Variants in RGS6 observed in about 807,000 individuals in gnomAD.
RGS6 encodes the protein regulator of G protein signaling 6, also known as regulator of G-protein signaling 6.
RGS6 carries 30 observed loss-of-function variants against 78.5 expected under a neutral mutation model. The ratio of observed to expected loss-of-function variants is 0.38; its 90% CI spans 0.29 to 0.52. The LOEUF is 0.52. RGS6 is among the 20% of genes least tolerant of loss of function. RGS6 has a pLI of 0.85. For missense variants in RGS6, 495 were observed against 609.7 expected (o/e 0.81, Z 1.98); for synonymous variants, 206 against 206.0 (o/e 1.00, Z 0.00).
At chr14:72,370,765 A>G (rs1035514865) in intron 3 of RGS6, among the ~76,000 whole-genome samples, 3 of 152,374 alleles carry the variant, frequency 2.0e-5, no homozygotes, top group South Asian at 2.1e-4. Context: ...AAAATAATGT[A>G]AACTGTTCCC....
At chr14:71,960,487 A>G (rs573837214) in intron 1 of RGS6, among the ~76,000 whole-genome samples, 7 of 152,316 alleles carry the variant, frequency 4.6e-5, no homozygotes, top group African/African-American at 1.4e-4. Flanking sequence ...TATCAGTTCC[A>G]TCATTCATTC....
the RGS6 span, among the ~76,000 whole-genome samples, chr14:71,922,258 T>C: frequency 8.5e-5 from 13 of 152,216 alleles, no homozygotes; most frequent in African/African-American, 3.1e-4. Context: ...TCAACAAGTT[T>C]TATCAGCTAA....
intron 3 of RGS6, among the ~76,000 whole-genome samples, chr14:72,353,659 A>G (rs1034275525): frequency 6.6e-6 from 1 of 152,108 alleles, no homozygotes; most frequent in African/African-American, 2.4e-5. Flanking sequence ...GATTATGGTG[A>G]TGGTAACATG....
At chr14:72,106,281 A>G (rs1032159027) in intron 2 of RGS6, among the ~76,000 whole-genome samples, 5 of 152,246 alleles carry the variant, frequency 3.3e-5, no homozygotes, top group Admixed American at 3.3e-4. Context: ...TAATGCAAAG[A>G]TTCCCAAAAT....
At chr14:72,591,630 T>C in the RGS6 span, among the ~76,000 whole-genome samples, 1 of 152,202 alleles carries the variant, frequency 6.6e-6, no homozygotes, top group African/African-American at 2.4e-5. Flanking sequence ...CTTCAGTCAC[T>C]CAATCACAGC....
At chr14:72,241,602 G>C in intron 2 of RGS6, among the ~76,000 whole-genome samples, 1 of 152,138 alleles carries the variant, frequency 6.6e-6, no homozygotes, top group Non-Finnish European at 1.5e-5. Context: ...GTTATGGTTT[G>C]ATTTTACCCC....
chr14:71,984,298 TAAAAAAAAAAAA>T (rs59180817), intron 2 of RGS6, among the ~76,000 whole-genome samples: 1 of 120,006 alleles, frequency 8.3e-6, no homozygotes, highest in African/African-American at 3.2e-5. Flanking sequence ...TGAATTATGT[TAAAAAAAAAAAA>T]AAAAAAAAAA....
At chr14:72,209,595 C>G (rs1326279856) in intron 2 of RGS6, among the ~76,000 whole-genome samples, 2 of 152,170 alleles carry the variant, frequency 1.3e-5, no homozygotes, top group East Asian at 3.9e-4. Context: ...TGGAAACCCT[C>G]TCACCTCCCC....
At chr14:72,021,933 C>T (rs192416952) in intron 2 of RGS6, among the ~76,000 whole-genome samples, 168 of 149,376 alleles carry the variant, frequency 1.1e-3, no homozygotes, top group Non-Finnish European at 1.4e-3. Context: ...CTTCTGCCAC[C>T]CCCACCCTCA....
chr14:71,948,740 C>CT (rs71305831), intron 1 of RGS6, among the ~76,000 whole-genome samples: 1,202 of 65,204 alleles, frequency 0.018, 42 homozygotes, highest in East Asian at 0.024. Flanking sequence ...CTCTCTCTCT[C>CT]TTTTTTTTTT....
intron 1 of RGS6, among the ~76,000 whole-genome samples, chr14:71,948,740 C>G (rs10138821): frequency 4.6e-5 from 3 of 65,180 alleles, no homozygotes; most frequent in African/African-American, 2.1e-4. Context: ...CTCTCTCTCT[C>G]TTTTTTTTTT....
intron 1 of RGS6, among the ~76,000 whole-genome samples, chr14:71,962,194 G>A (rs2093249916): frequency 6.6e-6 from 1 of 152,168 alleles, no homozygotes. Flanking sequence ...TTCACACAGA[G>A]ACTATCTGCA....
At chr14:72,353,007 C>T (rs2079435145) in intron 3 of RGS6, among the ~76,000 whole-genome samples, 1 of 152,158 alleles carries the variant, frequency 6.6e-6, no homozygotes, top group Non-Finnish European at 1.5e-5. Flanking sequence ...TCACTATATA[C>T]CTTTTAGAAT....
intron 2 of RGS6, among the ~76,000 whole-genome samples, chr14:72,029,909 T>A (rs901116669): frequency 3.9e-5 from 6 of 152,226 alleles, no homozygotes; most frequent in Non-Finnish European, 8.8e-5. Context: ...CATTTCTTCC[T>A]TGAGGTCAGT....
intron 3 of RGS6, among the ~76,000 whole-genome samples, chr14:72,363,806 A>G (rs2152803210): frequency 6.6e-6 from 1 of 152,200 alleles, no homozygotes; most frequent in Non-Finnish European, 1.5e-5. Context: ...AAATCTTGAA[A>G]AGATAGTCCA....
chr14:72,295,152 G>A (rs1304226782), intron 2 of RGS6, among the ~76,000 whole-genome samples: 1 of 150,994 alleles, frequency 6.6e-6, no homozygotes, highest in East Asian at 1.9e-4. Context: ...TTAGCCGGGC[G>A]TAGTGGCGGG....
intron 12 of RGS6, among the ~76,000 whole-genome samples, chr14:72,483,055 C>T (rs907539868): frequency 6.6e-6 from 1 of 152,140 alleles, no homozygotes; most frequent in East Asian, 1.9e-4. Flanking sequence ...CTTGAAGTTG[C>T]CAGATAAACA....
chr14:72,618,636 G>A, the RGS6 span, among the ~76,000 whole-genome samples: 4 of 152,066 alleles, frequency 2.6e-5, no homozygotes, highest in African/African-American at 9.7e-5. Flanking sequence ...ATGTCTCTGC[G>A]CGTCTCCCTC....
intron 2 of RGS6, among the ~76,000 whole-genome samples, chr14:72,254,862 A>G (rs1450073163): frequency 6.6e-6 from 1 of 152,134 alleles, no homozygotes; most frequent in Non-Finnish European, 1.5e-5. Flanking sequence ...TGCTTTCCAT[A>G]CACTTTTCTC....
Sources: allele counts gnomAD v4.1 joint callset (sites outside exome capture counted in the v4.1 genomes callset), GRCh38; gene constraint gnomAD v4.1.1; transcripts MANE v1.5; gene names NCBI Gene and HGNC (gene_info 2026-07-23, HGNC 2026-07-21).